The following GPR158 variants were observed in gnomAD, a reference collection of about 807,000 sequenced individuals.
GPR158 encodes G protein-coupled receptor 158, also known as metabotropic glycine receptor.
Under a neutral mutation model 78.2 loss-of-function variants are expected in GPR158, and 30 were observed. The ratio of observed to expected loss-of-function variants is 0.38; its 90% CI spans 0.29 to 0.52. GPR158 has a LOEUF of 0.52. Among genes scored for constraint, GPR158 ranks in the 20% least tolerant of loss-of-function variants. The pLI, the probability that GPR158 is intolerant of heterozygous loss-of-function variation, is 0.83. For synonymous variants in GPR158, 581 were observed against 591.1 expected (o/e 0.98, Z 0.25); for missense variants, 1,463 against 1,523.5 (o/e 0.96, Z 0.66).
chr10:25,335,552 A>C (rs866004298), intron 2 of GPR158, among the ~76,000 whole-genome samples: 1 of 151,932 alleles, frequency 6.6e-6, no homozygotes, highest in African/African-American at 2.4e-5. Flanking sequence ...TAAATGCAGG[A>C]GTTTACTTTT....
At chr10:25,254,467 AAAG>A (rs1853866198) in intron 2 of GPR158, among the ~76,000 whole-genome samples, 1 of 152,228 alleles carries the variant, frequency 6.6e-6, no homozygotes, top group African/African-American at 2.4e-5. Context: ...ATTATTTTTA[AAAG>A]GAGTAGACAA....
At chr10:25,520,774 C>T (rs1458923726) in intron 5 of GPR158, among the ~76,000 whole-genome samples, 1 of 152,212 alleles carries the variant, frequency 6.6e-6, no homozygotes, top group Admixed American at 6.5e-5. Flanking sequence ...CTGCTCTCTT[C>T]AAAGCTGTCA....
intron 1 of GPR158, among the ~76,000 whole-genome samples, chr10:25,205,783 T>C (rs1300781769): frequency 6.6e-6 from 1 of 152,098 alleles, no homozygotes; most frequent in Non-Finnish European, 1.5e-5. Context: ...TATTGCACTG[T>C]GGTCTGAGAG....
intron 2 of GPR158, among the ~76,000 whole-genome samples, chr10:25,277,024 A>G (rs1422776744): frequency 1.3e-5 from 2 of 150,330 alleles, no homozygotes; most frequent in African/African-American, 4.9e-5. Flanking sequence ...ATCATAGCTT[A>G]TTGCAGCCTT....
chr10:25,236,502 C>T (rs746167400), intron 2 of GPR158, among the ~76,000 whole-genome samples: 9 of 152,018 alleles, frequency 5.9e-5, no homozygotes, highest in South Asian at 2.1e-4. Context: ...AGCGAGACTC[C>T]GTCTCAAAAA....
chr10:25,370,671 A>C (rs991534057), intron 2 of GPR158, among the ~76,000 whole-genome samples: 3 of 150,166 alleles, frequency 2.0e-5, no homozygotes, highest in African/African-American at 7.4e-5. Context: ...AGTTCTGTAG[A>C]TGTCTATTAG....
chr10:25,599,059 T>A lies in GPR158; in HGVS notation c.3433T>A (p.Ser1145Thr). 1 of 1,613,770 alleles carries A rather than the reference T, an allele frequency of 6.2e-7. No homozygotes were observed. The highest frequency in any genetic ancestry group is 8.5e-7 in the Non-Finnish European group (1 of 1,179,906). Residue 1145 changes from serine (S) to threonine (T), a missense_variant, in exon 11 of 11, where the codon TCT becomes ACT. Ser to Thr is a moderately conservative substitution (Grantham distance 58). Transcript: ENST00000376351. ...AATAGGACACCAGGAAAAAAAGACA[T>A]CTTCTTCTGAGGAGAATGTGCGTGG... ...NQIGHQEKKT[S>T]SSEENVRGSY...
intron 1 of GPR158, among the ~76,000 whole-genome samples, chr10:25,181,836 G>A (rs1374768822): frequency 6.6e-6 from 1 of 152,086 alleles, no homozygotes; most frequent in Non-Finnish European, 1.5e-5. Flanking sequence ...TCCCAGCTCA[G>A]CTTCTTGGGT....
chr10:25,530,545 G>T (rs563308647), intron 5 of GPR158, among the ~76,000 whole-genome samples: 1 of 152,322 alleles, frequency 6.6e-6, no homozygotes, highest in Admixed American at 6.5e-5. Flanking sequence ...TGCTGCAGCA[G>T]GAGTGCTCTG....
intron 7 of GPR158, among the ~76,000 whole-genome samples, chr10:25,583,967 A>G (rs1837235550): frequency 6.6e-6 from 1 of 152,168 alleles, no homozygotes; most frequent in South Asian, 2.1e-4. Flanking sequence ...GTGTCAAAGA[A>G]CTTATACTAA....
At chr10:25,284,719 G>A (rs576275104) in intron 2 of GPR158, among the ~76,000 whole-genome samples, 3 of 151,258 alleles carry the variant, frequency 2.0e-5, no homozygotes, top group African/African-American at 7.3e-5. Flanking sequence ...TTTTTAAAAA[G>A]TTGGGTGTTA....
chr10:25,506,086 C>T (rs1836009097), intron 5 of GPR158, among the ~76,000 whole-genome samples: 2 of 152,160 alleles, frequency 1.3e-5, no homozygotes, highest in South Asian at 2.1e-4. Flanking sequence ...TTGAACAACT[C>T]GACACTAGGT....
intron 2 of GPR158, among the ~76,000 whole-genome samples, chr10:25,355,635 A>G (rs1248318028): frequency 6.6e-6 from 1 of 151,906 alleles, no homozygotes; most frequent in Non-Finnish European, 1.5e-5. Flanking sequence ...TGTCTAGCAT[A>G]TTTTGGTTTT....
chr10:25,200,889 A>C (rs1396372820), intron 1 of GPR158, among the ~76,000 whole-genome samples: 5 of 106,782 alleles, frequency 4.7e-5, no homozygotes, highest in Non-Finnish European at 9.5e-5. Context: ...TTTTTTTTTC[A>C]GTACCATGCT....
At position 25,600,403 on chromosome 10, in the gene GPR158, C is replaced by G. The variant is rs145182092; in HGVS notation, c.*1129C>G. ...TCTAGGGATGACATAAGAATTATAG[C>G]AGTACTATAAACCCAGGAAGTTTGC... On this transcript the variant is annotated 3_prime_UTR_variant, in exon 11 of 11. Coordinates refer to ENST00000376351, the MANE Select transcript of GPR158 (RefSeq NM_020752.3). 2.6e-4 allele frequency: 39 copies of G among 152,250 alleles called. No homozygotes were observed. The highest frequency in any genetic ancestry group is 8.7e-4 in the African/African-American group (36 of 41,454). The allele number at this position is 152,250 out of a possible 1,614,324, so 9.4% of individuals were successfully genotyped here.
chr10:25,269,159 C>T (rs894307594), intron 2 of GPR158, among the ~76,000 whole-genome samples: 3 of 152,070 alleles, frequency 2.0e-5, no homozygotes, highest in Non-Finnish European at 4.4e-5. Context: ...GACAATAAAT[C>T]GTATTAATTA....
At chr10:25,479,720 T>G (rs1327827538) in intron 5 of GPR158, among the ~76,000 whole-genome samples, 1 of 152,170 alleles carries the variant, frequency 6.6e-6, no homozygotes, top group Non-Finnish European at 1.5e-5. Flanking sequence ...CGGCCTGAAT[T>G]TATTGTTCTT....
chr10:25,476,514 T>A (rs1835588754), intron 5 of GPR158, among the ~76,000 whole-genome samples: 1 of 89,328 alleles, frequency 1.1e-5, no homozygotes, highest in African/African-American at 4.7e-5. Flanking sequence ...TACCCCGGTC[T>A]TATAAGAAGA....
intron 1 of GPR158, among the ~76,000 whole-genome samples, chr10:25,199,502 A>C (rs778645359): frequency 1.3e-5 from 2 of 152,000 alleles, no homozygotes; most frequent in Non-Finnish European, 2.9e-5. Context: ...ATGGCTGCTG[A>C]TATGGTTGGG....
Sources: allele counts gnomAD v4.1 joint callset (sites outside exome capture counted in the v4.1 genomes callset), GRCh38; gene constraint gnomAD v4.1.1; transcripts MANE v1.5; gene names NCBI Gene and HGNC (gene_info 2026-07-23, HGNC 2026-07-21).